Variants in GUCY1A1 observed in about 807,000 individuals in gnomAD.
GUCY1A1 encodes guanylate cyclase soluble subunit alpha-1.
In GUCY1A1, 48 loss-of-function variants were observed where a neutral mutation model predicts 64.5. The observed-to-expected ratio is 0.74, with a 90% CI of 0.59 to 0.95. The LOEUF (loss-of-function observed/expected upper bound fraction) is 0.95. GUCY1A1 is among the 40% of genes least tolerant of loss of function. The pLI is 0.00. For synonymous variants in GUCY1A1, 308 were observed against 303.4 expected (o/e 1.02, Z -0.16); for missense variants, 804 against 825.3 (o/e 0.97, Z 0.32).
intron 2 of GUCY1A1, among the ~76,000 whole-genome samples, chr4:155,681,833 C>T (rs1426106008): frequency 6.6e-6 from 1 of 152,164 alleles, no homozygotes; most frequent in Non-Finnish European, 1.5e-5. Context: ...AGCACAAATT[C>T]ATCTCTAATC....
At chr4:155,681,814 A>G (rs529682736) in intron 2 of GUCY1A1, among the ~76,000 whole-genome samples, 1 of 152,322 alleles carries the variant, frequency 6.6e-6, no homozygotes, top group Non-Finnish European at 1.5e-5. Context: ...GGTTTCTGCT[A>G]TGGGGAGGAG....
At chr4:155,703,900 G>T in intron 3 of GUCY1A1, 32 bp from the exon 4 acceptor site, 2 of 1,361,688 alleles carry the variant, frequency 1.5e-6, no homozygotes, top group African/African-American at 1.4e-5. Flanking sequence ...TTATATAAGG[G>T]AATGTTTAAA....
At chr4:155,677,274 G>A (rs976893356) in intron 2 of GUCY1A1, among the ~76,000 whole-genome samples, 2 of 152,116 alleles carry the variant, frequency 1.3e-5, no homozygotes, top group African/African-American at 4.8e-5. Context: ...GCTTGGGAAT[G>A]GATCCTTTAC....
rs13138928 is a variant in GUCY1A1, at chr4:155,734,688, G to A, written c.*4457G>A. On this transcript the variant is annotated 3_prime_UTR_variant, in exon 10 of 10. Coordinates refer to ENST00000506455, the MANE Select transcript of GUCY1A1 (RefSeq NM_001130682.3). ...CGATTCCTGTGAGGAGGGACTTACC[G>A]TCTCCTCCAAAACAGAAATTCAGTG... 0.038 allele frequency: 5,763 copies of A among 151,988 alleles called. 141 individuals are homozygous for A. The highest frequency in any genetic ancestry group is 0.075 in the Middle Eastern group (22 of 294). 9.4% of individuals were successfully genotyped at this position (151,988 alleles called of 1,614,324 possible).
At chr4:155,716,163 A>C (rs1459706607) in intron 7 of GUCY1A1, among the ~76,000 whole-genome samples, 1 of 152,150 alleles carries the variant, frequency 6.6e-6, no homozygotes, top group African/African-American at 2.4e-5. Context: ...GAATAAGAAG[A>C]TAAAGTCAGA....
Position 155,733,024 on chromosome 4 carries a change from G to A in GUCY1A1, c.*2793G>A, listed in dbSNP as rs1047580734. Among the ~76,000 whole-genome samples the A allele has an allele frequency of 9.2e-5, 14 of 151,740 alleles. No homozygotes were observed. Among genetic ancestry groups the A allele is most frequent in the South Asian group, 2.1e-4 (1 of 4,820 alleles). On this transcript the variant is annotated 3_prime_UTR_variant, in exon 10 of 10. Coordinates refer to ENST00000506455, the MANE Select transcript of GUCY1A1 (RefSeq NM_001130682.3). ...CCATTTTGCTTTGTTTTTCTATATCGATCTAGACTTTGTAGGAAAATGCAA... is the reference window on the plus strand; with the variant it reads ...CCATTTTGCTTTGTTTTTCTATATCAATCTAGACTTTGTAGGAAAATGCAA...
intron 2 of GUCY1A1, among the ~76,000 whole-genome samples, chr4:155,670,426 T>C (rs1298844084): frequency 1.3e-5 from 2 of 152,218 alleles, no homozygotes; most frequent in Non-Finnish European, 2.9e-5. Context: ...TTCCTGGCTA[T>C]CCTGAATCAT....
chr4:155,709,034 AT>A, intron 5 of GUCY1A1, among the ~76,000 whole-genome samples: 1 of 152,330 alleles, frequency 6.6e-6, no homozygotes, highest in Non-Finnish European at 1.5e-5. Flanking sequence ...TTTGTAGGGC[AT>A]TTTGCCAACA....
chr4:155,721,993 T>C, intron 8 of GUCY1A1, 45 bp from the exon 9 acceptor site: 1 of 1,280,348 alleles, frequency 7.8e-7, no homozygotes, highest in East Asian at 2.3e-5. Flanking sequence ...GAGTAGGAAG[T>C]GTTTTACCAG....
intron 2 of GUCY1A1, among the ~76,000 whole-genome samples, chr4:155,678,649 A>G (rs1022302828): frequency 1.3e-5 from 2 of 152,230 alleles, no homozygotes; most frequent in African/African-American, 4.8e-5. Flanking sequence ...TCACACTTTT[A>G]CTTACTATGG....
chr4:155,713,033 TC>T, intron 6 of GUCY1A1, 64 bp from the exon 7 acceptor site: 3 of 1,405,830 alleles, frequency 2.1e-6, no homozygotes, highest in Non-Finnish European at 2.0e-6. Context: ...TACTTCCCCT[TC>T]TTTTGTCTCA....
intron 4 of GUCY1A1, among the ~76,000 whole-genome samples, chr4:155,705,751 T>C (rs76043937): frequency 0.014 from 2,074 of 152,278 alleles, 48 homozygotes; most frequent in African/African-American, 0.047. Context: ...CTGTGGATCA[T>C]ATGTGCTTGA....
chr4:155,693,171 G>C (rs1189622113), intron 2 of GUCY1A1, among the ~76,000 whole-genome samples: 1 of 152,142 alleles, frequency 6.6e-6, no homozygotes, highest in African/African-American at 2.4e-5. Flanking sequence ...TACTAGGCCA[G>C]TAGCTGGGTC....
rs138778652 is a variant in GUCY1A1, at chr4:155,689,341, A to G, written c.-112-7415A>G. On this transcript the variant is annotated intron_variant, in intron 2 of 9. Transcript: ENST00000506455. The stretch of plus-strand genomic sequence containing the variant: ...AAAAAGATGCAAGAAATTGTTTTAT[A>G]TATTTTAGGGAAAATTGGTTGAAAA... Among the ~76,000 whole-genome samples the G allele has an allele frequency of 1.5e-3, 222 of 152,252 alleles. 1 individual carries two copies. Among genetic ancestry groups the G allele is most frequent in the African/African-American group, 4.1e-3 (169 of 41,534 alleles).
chr4:155,708,662 A>G (rs1367167983), intron 5 of GUCY1A1, among the ~76,000 whole-genome samples: 1 of 152,198 alleles, frequency 6.6e-6, no homozygotes, highest in Admixed American at 6.5e-5. Context: ...GAAAAAAGTT[A>G]ACAGTATTCT....
At chr4:155,699,639 T>C (rs1245867924) in intron 3 of GUCY1A1, among the ~76,000 whole-genome samples, 1 of 152,188 alleles carries the variant, frequency 6.6e-6, no homozygotes, top group Admixed American at 6.5e-5. Flanking sequence ...AGCTGTGTAG[T>C]CCTCAATCTA....
rs762127555 is a variant in GUCY1A1 at position 155,697,109 on chromosome 4, T to C, written c.242T>C (p.Leu81Pro). The C allele has an allele frequency of 3.7e-6, 6 of 1,613,106 alleles. No individual in the cohort carries two copies. In the Admixed American group the frequency reaches 8.3e-5, roughly 22 times the overall value. Residue 81 changes from leucine (L) to proline (P), a missense_variant, in exon 3 of 10, where the codon CTG (leucine) becomes CCG (proline). Leu to Pro is a moderately conservative substitution (Grantham distance 98, BLOSUM62 -3). Coordinates refer to ENST00000506455, the MANE Select transcript of GUCY1A1 (RefSeq NM_001130682.3). ...LHTLAESICK[L>P]IFPEFERLNV... Reference sequence around the variant, plus strand: ...ACTTTGGCAGAGAGTATTTGCAAACTGATTTTCCCAGAGGTGAGTGCGTGC... The same window carrying C: ...ACTTTGGCAGAGAGTATTTGCAAACCGATTTTCCCAGAGGTGAGTGCGTGC...
intron 2 of GUCY1A1, among the ~76,000 whole-genome samples, chr4:155,681,664 G>C (rs1735793857): frequency 6.6e-6 from 1 of 151,908 alleles, no homozygotes; most frequent in Non-Finnish European, 1.5e-5. Context: ...TTTTCTAATT[G>C]CTGCTTCTCT....
intron 3 of GUCY1A1, among the ~76,000 whole-genome samples, chr4:155,701,671 G>A (rs191700346): frequency 2.6e-5 from 4 of 152,026 alleles, no homozygotes; most frequent in Admixed American, 1.3e-4. Flanking sequence ...GAGCATGGTG[G>A]CTCATACTTG....
Sources: gnomAD v4.1 joint callset for allele counts (sites outside exome capture counted in the v4.1 genomes callset) on GRCh38, gnomAD v4.1.1 for gene constraint, MANE v1.5 for transcripts, NCBI Gene and HGNC (gene_info 2026-07-23, HGNC 2026-07-21) for gene names.